Variants in ACCSL observed in about 807,000 individuals in gnomAD.
ACCSL encodes the protein probable inactive 1-aminocyclopropane-1-carboxylate synthase-like protein 2.
Under a neutral mutation model 61.7 loss-of-function variants are expected in ACCSL, and 55 were observed. The observed-to-expected ratio is 0.89, with a 90% CI of 0.72 to 1.12. ACCSL has a LOEUF of 1.12. Among genes scored for constraint, ACCSL ranks in the 50% most tolerant of loss-of-function variants. The pLI, the probability that ACCSL is intolerant of heterozygous loss-of-function variation, is 0.00. For missense variants in ACCSL, 632 were observed against 698.0 expected (o/e 0.91, Z 1.07); for synonymous variants, 258 against 264.3 (o/e 0.98, Z 0.23).
At chr11:44,025,195 C>T in the ACCSL span, among the ~76,000 whole-genome samples, 3 of 151,996 alleles carry the variant, frequency 2.0e-5, no homozygotes, top group Non-Finnish European at 4.4e-5. Flanking sequence ...TTACACTTGC[C>T]ATTTTGTTAT....
At chr11:43,949,804 G>A in the ACCSL span, among the ~76,000 whole-genome samples, 1 of 149,996 alleles carries the variant, frequency 6.7e-6, no homozygotes, top group Non-Finnish European at 1.5e-5. Flanking sequence ...GACAAAGCAA[G>A]ACTCCATCTC....
chr11:43,922,090 C>T, the ACCSL span: 1 of 152,168 alleles, frequency 6.6e-6, no homozygotes, highest in African/African-American at 2.4e-5. Flanking sequence ...GCTGAGGAAG[C>T]AAATATAACA....
the ACCSL span, among the ~76,000 whole-genome samples, chr11:44,042,910 G>A: frequency 0.06 from 9,049 of 151,844 alleles, 496 homozygotes; most frequent in African/African-American, 0.14. Flanking sequence ...GTGAGACCTG[G>A]TCTCTACAAA....
At chr11:44,056,697 T>C (rs7928485) in intron 11 of ACCSL, among the ~76,000 whole-genome samples, 26,124 of 152,104 alleles carry the variant, frequency 0.17, 2,360 homozygotes, top group East Asian at 0.33. Context: ...CCAGGCATGC[T>C]GGCAAACGCC....
chr11:43,967,362 A>G, the ACCSL span, among the ~76,000 whole-genome samples: 3 of 151,556 alleles, frequency 2.0e-5, no homozygotes, highest in Admixed American at 6.6e-5. Context: ...TATTTTTAAT[A>G]GAGACGGGGT....
the ACCSL span, among the ~76,000 whole-genome samples, chr11:44,028,528 C>T: frequency 1.3e-5 from 2 of 152,354 alleles, no homozygotes; most frequent in African/African-American, 2.4e-5. Flanking sequence ...GTTGGGACAG[C>T]TCAGCCATAA....
chr11:43,994,182 C>A, the ACCSL span, among the ~76,000 whole-genome samples: 1 of 152,190 alleles, frequency 6.6e-6, no homozygotes, highest in Admixed American at 6.6e-5. Flanking sequence ...TTCTTTTATT[C>A]ACTTAACTTT....
chr11:44,052,665 C>T lies in ACCSL; in HGVS notation c.776C>T (p.Ala259Val), dbSNP rs1018416635. ...LAMVLCDPGE[A>V]FLVPAPFYGG... ...CTCTGTCTCTCTGTGTTTCCAGAGG[C>T]CTTCCTGGTCCCTGCTCCCTTCTAT... Residue 259 changes from alanine to valine, a missense_variant, in exon 6 of 14, where the codon GCC (alanine) becomes GTC (valine). By Grantham distance (64) the Ala-to-Val change is moderately conservative (BLOSUM62 0). Transcript: ENST00000378832. 1.2e-6 allele frequency: 2 copies of T among 1,613,806 alleles called. No homozygotes were observed. The highest frequency in any genetic ancestry group is 2.7e-5 in the African/African-American group (2 of 74,906).
chr11:44,054,003 C>T (rs1348219064), intron 8 of ACCSL, among the ~76,000 whole-genome samples: 2 of 152,172 alleles, frequency 1.3e-5, no homozygotes, highest in African/African-American at 4.8e-5. Flanking sequence ...TAGCCTCAGC[C>T]TATGTATTGA....
the ACCSL span, among the ~76,000 whole-genome samples, chr11:43,941,970 A>G: frequency 3.3e-5 from 5 of 152,076 alleles, no homozygotes; most frequent in Middle Eastern, 3.2e-3. Context: ...GGAGACAAAC[A>G]TAAAGAAGAC....
the ACCSL span, among the ~76,000 whole-genome samples, chr11:43,958,809 T>A: frequency 9.2e-5 from 14 of 152,170 alleles, no homozygotes; most frequent in Non-Finnish European, 1.8e-4. Flanking sequence ...TATCCTGTCA[T>A]GGCCATGAAC....
chr11:44,017,806 T>C, the ACCSL span, among the ~76,000 whole-genome samples: 1 of 148,442 alleles, frequency 6.7e-6, no homozygotes, highest in South Asian at 2.1e-4. Context: ...CATTGATCCA[T>C]GTTATGATGA....
chr11:44,019,469 C>G, the ACCSL span, among the ~76,000 whole-genome samples: 11 of 152,260 alleles, frequency 7.2e-5, no homozygotes, highest in South Asian at 2.3e-3. Context: ...TCTAGCCATC[C>G]TAGTGAGTAT....
At chr11:44,051,284 A>T (rs748464298) in intron 3 of ACCSL, 51 bp from the exon 4 acceptor site, 15 of 1,583,674 alleles carry the variant, frequency 9.5e-6, no homozygotes, top group Non-Finnish European at 1.3e-5. Context: ...CTAGACCATG[A>T]GTGAGGAAAG....
the ACCSL span, chr11:43,973,907 A>G: frequency 5.9e-5 from 9 of 152,200 alleles, no homozygotes; most frequent in Non-Finnish European, 1.2e-4. Flanking sequence ...TCATTATAAC[A>G]TGAGGAATTT....
chr11:43,926,574 A>G, the ACCSL span: 1 of 439,434 alleles, frequency 2.3e-6, no homozygotes, highest in Non-Finnish European at 4.5e-6. Flanking sequence ...AGGAAGACAC[A>G]GTGCCTTCCA....
In ACCSL at chr11:44,048,007, C is replaced by G; in HGVS notation, c.-30C>G. 6.3e-7 allele frequency: 1 copy of G among 1,588,782 alleles called. No homozygotes were observed. Among genetic ancestry groups the G allele is most frequent in the Middle Eastern group, 1.7e-4 (1 of 5,958 alleles). On this transcript the variant is annotated 5_prime_UTR_variant, in exon 1 of 14. Coordinates refer to ENST00000378832, the MANE Select transcript of ACCSL (RefSeq NM_001031854.2). The stretch of plus-strand genomic sequence containing the variant: ...CTCTTTCTCCATAGGTGCCAGGCAG[C>G]CTTCAGAGGCCAGTAAAGATACCCG...
chr11:44,051,610 T>C, intron 4 of ACCSL, 43 bp from the exon 5 acceptor site: 1 of 1,609,804 alleles, frequency 6.2e-7, no homozygotes, highest in Non-Finnish European at 8.5e-7. Context: ...CCTTCTCACA[T>C]AGGTATTGGT....
At position 44,059,893 on chromosome 11, in the gene ACCSL, G is replaced by T; in HGVS notation, c.1680G>T (p.Lys560Asn). The change falls in exon 14 of 14, where the codon AAG (lysine) becomes AAT (asparagine). Residue 560 changes from lysine (K) to asparagine (N), a missense_variant. By Grantham distance (94) the Lys-to-Asn change is moderately conservative. Transcript: ENST00000378832. ...LQEQKEALIV[K>N]QLEDAMRE ...AGCAGAAGGAGGCTTTGATAGTGAAGCAGTTGGAGGATGCAATGAGGGAGT... is the reference window on the plus strand; with the variant it reads ...AGCAGAAGGAGGCTTTGATAGTGAATCAGTTGGAGGATGCAATGAGGGAGT... 10 of 1,613,896 alleles carry T rather than the reference G, an allele frequency of 6.2e-6. No homozygotes were observed. The highest frequency in any genetic ancestry group is 8.5e-6 in the Non-Finnish European group (10 of 1,179,826).
Sources: allele counts gnomAD v4.1 joint callset (sites outside exome capture counted in the v4.1 genomes callset), GRCh38; gene constraint gnomAD v4.1.1; transcripts MANE v1.5; gene names NCBI Gene and HGNC (gene_info 2026-07-23, HGNC 2026-07-21).